The following PAMR1 variants were observed in gnomAD, a reference collection of about 807,000 sequenced individuals.
PAMR1 encodes the protein inactive serine protease PAMR1.
PAMR1 carries 88 observed loss-of-function variants against 81.8 expected under a neutral mutation model. The ratio of observed to expected loss-of-function variants is 1.08; its 90% confidence interval spans 0.91 to 1.28. PAMR1 has a LOEUF of 1.28. PAMR1 is among the 50% of genes most tolerant of loss of function. The pLI is 0.00. For synonymous variants in PAMR1, 336 were observed against 345.3 expected, an observed-to-expected ratio of 0.97 and a Z score of 0.30; for missense variants, 935 against 919.7, an observed-to-expected ratio of 1.02 and a Z score of -0.21.
intron 6 of PAMR1, among the ~76,000 whole-genome samples, chr11:35,458,187 T>C (rs1516988): frequency 0.57 from 86,973 of 152,022 alleles, 25,295 homozygotes; most frequent in African/African-American, 0.69. Flanking sequence ...AACAACATTT[T>C]CTCAGCACCC....
At chr11:35,465,443 A>G (rs549937365) in intron 6 of PAMR1, among the ~76,000 whole-genome samples, 1 of 152,340 alleles carries the variant, frequency 6.6e-6, no homozygotes, top group Admixed American at 6.5e-5. Context: ...TATCCTCATG[A>G]GGAAAACAAG....
intron 1 of PAMR1, among the ~76,000 whole-genome samples, chr11:35,501,958 G>A (rs935982594): frequency 6.6e-6 from 1 of 152,124 alleles, no homozygotes; most frequent in African/African-American, 2.4e-5. Context: ...GGAATTGCTG[G>A]ATCACATGGT....
At chr11:35,501,129 T>C (rs1227523083) in intron 1 of PAMR1, among the ~76,000 whole-genome samples, 3 of 131,046 alleles carry the variant, frequency 2.3e-5, no homozygotes, top group African/African-American at 5.9e-5. Context: ...TAACCTTTTT[T>C]TTTCTTTTTT....
At position 35,494,275 on chromosome 11, in the gene PAMR1, GA is replaced by G. The variant is rs1465991483; in HGVS notation, c.74-4del. On this transcript the variant is annotated splice_region_variant and splice_polypyrimidine_tract_variant and intron_variant, in intron 1 of 10. Coordinates refer to ENST00000619888, the MANE Select transcript of PAMR1 (RefSeq NM_001001991.3). Reference sequence around the variant, plus strand: ...GGCTTCATTAATGACTGTGTACTCTGAAATGGAAAACCAGCAGGTGAGGCTA... The same window carrying G: ...GGCTTCATTAATGACTGTGTACTCTGAATGGAAAACCAGCAGGTGAGGCTA... 5.0e-6 allele frequency: 8 copies of G among 1,613,100 alleles called. No individual in the cohort carries two copies. The highest frequency in any genetic ancestry group is 1.1e-5 in the South Asian group (1 of 91,026).
chr11:35,487,591 G>T (rs1850534811), intron 3 of PAMR1, among the ~76,000 whole-genome samples: 1 of 152,216 alleles, frequency 6.6e-6, no homozygotes, highest in Admixed American at 6.5e-5. Context: ...TATGCTTTAA[G>T]CTTAACACCA....
Position 35,467,993 on chromosome 11 carries a change from A to G in PAMR1, c.820+8T>C, listed in dbSNP as rs1856784943. ...ACACCTTAACTCCCACTTAGGAAGC[A>G]TACTCACGATTTTCACAGCGCTGCC... On this transcript the variant is annotated splice_region_variant and intron_variant, in intron 6 of 10. Transcript: ENST00000619888. The G allele has an allele frequency of 6.5e-7, 1 of 1,528,250 alleles. No individual in the cohort carries two copies. The highest frequency in any genetic ancestry group is 2.0e-5 in the Admixed American group (1 of 51,244). The allele number at this position is 1,528,250 out of a possible 1,614,324, so 94.7% of individuals were successfully genotyped here.
rs147274037 is a variant in PAMR1 at position 35,436,014 on chromosome 11, T to C, written c.1222A>G (p.Thr408Ala). 1.2e-6 allele frequency: 2 copies of C among 1,613,904 alleles called. No homozygotes were observed. Among genetic ancestry groups the C allele is most frequent in the African/African-American group, 2.7e-5 (2 of 74,890 alleles). Residue 408 changes from threonine to alanine, a missense_variant, in exon 9 of 11, where the codon ACC becomes GCC. Physicochemically the swap from Thr to Ala is moderately conservative, Grantham distance 58. Transcript: ENST00000619888. ...DLPMGYQHLH[T>A]QLQYECISPF... ...GAGATGCACTCATACTGGAGCTGGG[T>C]ATGCAGATGTTGGTATCCCATGGGC...
intron 3 of PAMR1, among the ~76,000 whole-genome samples, chr11:35,491,176 C>T (rs567825502): frequency 6.6e-6 from 1 of 152,306 alleles, no homozygotes; most frequent in East Asian, 1.9e-4. Context: ...CAACAAGCCC[C>T]TTCTCCTCCT....
At chr11:35,499,993 C>G (rs940244032) in intron 1 of PAMR1, among the ~76,000 whole-genome samples, 29 of 152,142 alleles carry the variant, frequency 1.9e-4, no homozygotes, top group Non-Finnish European at 4.4e-5. Flanking sequence ...GAGTGATGTA[C>G]TTTGAAGATG....
chr11:35,444,097 CTA>C (rs1856241160), intron 6 of PAMR1, among the ~76,000 whole-genome samples: 1 of 152,204 alleles, frequency 6.6e-6, no homozygotes, highest in Non-Finnish European at 1.5e-5. Context: ...TCAAATTATA[CTA>C]TGAGGTTATA....
chr11:35,464,220 A>T (rs747007717), intron 6 of PAMR1, among the ~76,000 whole-genome samples: 15 of 152,258 alleles, frequency 9.9e-5, no homozygotes, highest in Non-Finnish European at 1.6e-4. Flanking sequence ...AGCAATATCA[A>T]GTCCATCTTA....
At chr11:35,467,043 G>A (rs777427434) in intron 6 of PAMR1, among the ~76,000 whole-genome samples, 3 of 152,086 alleles carry the variant, frequency 2.0e-5, no homozygotes, top group Non-Finnish European at 4.4e-5. Context: ...ATGTGCCCAC[G>A]GTTTATGTCC....
intron 6 of PAMR1, among the ~76,000 whole-genome samples, chr11:35,446,828 A>G (rs1473437568): frequency 6.6e-6 from 1 of 152,176 alleles, no homozygotes; most frequent in African/African-American, 2.4e-5. Context: ...TTGGGTGGAG[A>G]GTTCTGCAGA....
intron 6 of PAMR1, among the ~76,000 whole-genome samples, chr11:35,460,309 TTTC>T (rs1856624566): frequency 6.6e-6 from 1 of 151,252 alleles, no homozygotes; most frequent in Non-Finnish European, 1.5e-5. Context: ...TATCCTCCTC[TTTC>T]TTTTTTTTTT....
At chr11:35,465,979 G>C (rs577282835) in intron 6 of PAMR1, among the ~76,000 whole-genome samples, 1 of 152,192 alleles carries the variant, frequency 6.6e-6, no homozygotes, top group Admixed American at 6.5e-5. Flanking sequence ...TTAATCATAA[G>C]TTTTGGACCA....
At chr11:35,506,970 T>C (rs1850971620) in intron 1 of PAMR1, among the ~76,000 whole-genome samples, 1 of 151,372 alleles carries the variant, frequency 6.6e-6, no homozygotes, top group African/African-American at 2.4e-5. Context: ...TTGAGGTAAT[T>C]TTCTATATTG....
intron 6 of PAMR1, among the ~76,000 whole-genome samples, chr11:35,447,747 G>C (rs943482472): frequency 2.0e-5 from 3 of 152,144 alleles, no homozygotes; most frequent in African/African-American, 7.2e-5. Context: ...GCCTTGGTCT[G>C]TCTACTTCAG....
intron 8 of PAMR1, among the ~76,000 whole-genome samples, chr11:35,436,399 C>T (rs566590518): frequency 4.1e-4 from 63 of 152,210 alleles, no homozygotes; most frequent in African/African-American, 1.4e-3. Context: ...ATTCTTGTGC[C>T]TCAGCCTCCT....
At chr11:35,439,356 A>T (rs1358123181) in intron 8 of PAMR1, among the ~76,000 whole-genome samples, 1 of 152,208 alleles carries the variant, frequency 6.6e-6, no homozygotes, top group Non-Finnish European at 1.5e-5. Context: ...TTTCTCAAAG[A>T]TCATCTGAAA....
Sources: allele counts gnomAD v4.1 joint callset (sites outside exome capture counted in the v4.1 genomes callset), GRCh38; gene constraint gnomAD v4.1.1; transcripts MANE v1.5; gene names NCBI Gene and HGNC (gene_info 2026-07-23, HGNC 2026-07-21).